RPS6KA2: variants seen among roughly 807,000 people sequenced by gnomAD.
RPS6KA2 encodes the protein ribosomal protein S6 kinase alpha-2.
RPS6KA2 carries 42 observed loss-of-function variants against 91.8 expected under a neutral mutation model. That is an observed-to-expected ratio of 0.46 (90% CI 0.36 to 0.59). The LOEUF (loss-of-function observed/expected upper bound fraction) is 0.59, where lower values mean the gene tolerates loss of function less well. Ranked by LOEUF, RPS6KA2 falls within the 20% of genes least tolerant of loss-of-function variation. The probability of loss-of-function intolerance (pLI) is 0.00; values close to 1 mark genes in which losing one functional copy is unlikely to be tolerated. For synonymous variants in RPS6KA2, 414 were observed against 393.6 expected, an observed-to-expected ratio of 1.05 and a Z score of -0.61; for missense variants, 798 against 978.5, an observed-to-expected ratio of 0.82 and a Z score of 2.46.
intron 10 of RPS6KA2, among the ~76,000 whole-genome samples, chr6:166,474,329 C>T (rs1008211218): frequency 3.9e-5 from 6 of 152,204 alleles, no homozygotes; most frequent in Admixed American, 2.0e-4. Flanking sequence ...AACCTCTGCC[C>T]GTGCGTCAGC....
intron 2 of RPS6KA2, among the ~76,000 whole-genome samples, chr6:166,776,880 G>C (rs954867556): frequency 7.2e-5 from 11 of 152,190 alleles, no homozygotes; most frequent in Admixed American, 1.3e-4. Flanking sequence ...ACAAGTGTGT[G>C]CGTATTTTTG....
At chr6:166,658,723 G>A (rs1021446554) in intron 2 of RPS6KA2, among the ~76,000 whole-genome samples, 1 of 152,126 alleles carries the variant, frequency 6.6e-6, no homozygotes, top group African/African-American at 2.4e-5. Context: ...AGTGGTTTGT[G>A]GTGTTGAAGT....
At chr6:166,589,489 C>T (rs982212311) in intron 1 of RPS6KA2, among the ~76,000 whole-genome samples, 5 of 152,300 alleles carry the variant, frequency 3.3e-5, no homozygotes, top group Admixed American at 6.5e-5. Context: ...CTTCTATGCC[C>T]GACAGGAGGG....
intron 1 of RPS6KA2, among the ~76,000 whole-genome samples, chr6:166,550,736 C>T (rs1034995570): frequency 1.3e-5 from 2 of 152,150 alleles, no homozygotes; most frequent in Non-Finnish European, 1.5e-5. Flanking sequence ...GGCGCGATGG[C>T]TCACGCCTGT....
In RPS6KA2 at chr6:166,666,210, T is replaced by G. The variant is rs1421592710; in HGVS notation, c.124-127426A>C. 1.3e-5 allele frequency among the ~76,000 whole-genome samples: 2 copies of G among 152,072 alleles called. No individual in the cohort carries two copies. Among genetic ancestry groups the G allele is most frequent in the East Asian group, 3.9e-4 (2 of 5,182 alleles). ...CACGGGGTCTGCCCCATCTAGTGAG[T>G]GCTCTGCTGTGCATCAGAGAGAGGG... is the stretch of plus-strand genomic sequence containing the variant. On this transcript the variant is annotated intron_variant, in intron 2 of 21. Transcript: ENST00000503859. The surrounding 1 kb of genome is among the most constrained non-coding windows in gnomAD (Gnocchi z 4.0).
intron 1 of RPS6KA2, chr6:166,586,560 C>T: frequency 1.5e-6 from 2 of 1,377,842 alleles, no homozygotes; most frequent in Middle Eastern, 2.7e-4. Flanking sequence ...GTCTATCCAG[C>T]TCAGGCCGAA....
At chr6:166,818,754 T>C (rs1168505349) in intron 2 of RPS6KA2, among the ~76,000 whole-genome samples, 1 of 152,162 alleles carries the variant, frequency 6.6e-6, no homozygotes, top group African/African-American at 2.4e-5. Context: ...ATGCCATCAT[T>C]ATTCTTCCGA....
chr6:166,717,585 G>A (rs9295362), intron 2 of RPS6KA2, among the ~76,000 whole-genome samples: 13,810 of 152,238 alleles, frequency 0.091, 1,161 homozygotes, highest in African/African-American at 0.22. Flanking sequence ...CAGATCCCGC[G>A]GGTGAAGTTG....
Position 166,639,824 on chromosome 6 carries a change from T to A in RPS6KA2, c.124-101040A>T, listed in dbSNP as rs907408891. On this transcript the variant is annotated intron_variant, in intron 2 of 21. Coordinates refer to the RPS6KA2 transcript ENST00000503859. The surrounding 1 kb of genome is among the most constrained non-coding windows in gnomAD (Gnocchi z 4.2). ...CTCCACCCCACAGGCCCTGTTGGGGTCTCTCCTGGGTTCCTCTAGTTTGCT... is the reference window on the plus strand; with the variant it reads ...CTCCACCCCACAGGCCCTGTTGGGGACTCTCCTGGGTTCCTCTAGTTTGCT... Among the ~76,000 whole-genome samples the A allele has an allele frequency of 6.6e-6, 1 of 151,772 alleles. No individual in the cohort carries two copies. The highest frequency in any genetic ancestry group is 2.4e-5 in the African/African-American group (1 of 41,258).
rs377484930 is a variant in RPS6KA2 at position 166,835,102 on chromosome 6, C to CA, written c.123+23097dup. 2.2e-3 allele frequency among the ~76,000 whole-genome samples: 334 copies of CA among 152,278 alleles called. 4 individuals are homozygous for CA. Among genetic ancestry groups the CA allele is most frequent in the African/African-American group, 7.6e-3 (314 of 41,558 alleles). On this transcript the variant is annotated intron_variant, in intron 2 of 21. Transcript: ENST00000503859. ...CATTGAATTACACCGACATCTGTGT[C>CA]AAAAATCAATTGACCACAGTGTGAC...
chr6:166,839,720 G>A (rs1225240217), intron 2 of RPS6KA2, among the ~76,000 whole-genome samples: 3 of 129,988 alleles, frequency 2.3e-5, no homozygotes, highest in East Asian at 2.4e-4. Flanking sequence ...GAGGAGAGGC[G>A]GCACTGGAGG....
In RPS6KA2 at chr6:166,846,945, G is replaced by A. The variant is rs148354455; in HGVS notation, c.123+11255C>T. 7.2e-5 allele frequency among the ~76,000 whole-genome samples: 11 copies of A among 151,910 alleles called. No homozygotes were observed. The East Asian group carries it at 7.7e-4, about 11-fold the overall frequency. ...GTCACTGTTTGCTGATAATATAATC[G>A]TATACCTAGAAAACCCTAGTAAAGA... On this transcript the variant is annotated intron_variant, in intron 2 of 21. Coordinates refer to the RPS6KA2 transcript ENST00000503859.
Position 166,859,734 on chromosome 6 carries a change from A to G in RPS6KA2, c.64-1475T>C, listed in dbSNP as rs369235241. ...GTTCAGTTCGGTTCTCTCAGACTACAGATGAGAAAACAGGCCAGAAAGGAT... is the reference window on the plus strand; with the variant it reads ...GTTCAGTTCGGTTCTCTCAGACTACGGATGAGAAAACAGGCCAGAAAGGAT... On this transcript the variant is annotated intron_variant, in intron 1 of 21. Transcript: ENST00000503859. 4.6e-5 allele frequency among the ~76,000 whole-genome samples: 7 copies of G among 152,232 alleles called. No individual in the cohort carries two copies. The East Asian group carries it at 9.6e-4, about 21-fold the overall frequency.
intron 1 of RPS6KA2, among the ~76,000 whole-genome samples, chr6:166,544,955 C>T (rs1438317802): frequency 6.6e-6 from 1 of 152,120 alleles, no homozygotes; most frequent in East Asian, 1.9e-4. Flanking sequence ...GTGACATGGG[C>T]GCTTGCTGGA....
intron 14 of RPS6KA2, among the ~76,000 whole-genome samples, chr6:166,442,600 A>T (rs538588212): frequency 6.6e-6 from 1 of 152,084 alleles, no homozygotes; most frequent in Non-Finnish European, 1.5e-5. Context: ...ACCATATTCT[A>T]TCTAACGCCT....
intron 2 of RPS6KA2, among the ~76,000 whole-genome samples, chr6:166,805,741 G>C (rs1448294164): frequency 6.6e-6 from 1 of 151,998 alleles, no homozygotes; most frequent in Non-Finnish European, 1.5e-5. Flanking sequence ...CCAAAAAACA[G>C]GAAAATAAGG....
Position 166,437,859 on chromosome 6 carries a change from T to C in RPS6KA2, c.1333-5369A>G, listed in dbSNP as rs911775645. Among the ~76,000 whole-genome samples, 1 of 152,214 alleles carries C rather than the reference T, an allele frequency of 6.6e-6. No individual in the cohort carries two copies. On this transcript the variant is annotated intron_variant, in intron 14 of 20. Coordinates refer to ENST00000265678, the MANE Select transcript of RPS6KA2 (RefSeq NM_021135.6). This position sits in a 1 kb window ranked among gnomAD's most constrained non-coding sequence, Gnocchi z 4.3. ...AGGCGGCAACAGGAGACTTCACCGC[T>C]CTCGATACACCTTTCTGGTCTTTGC...
At chr6:166,492,840 C>T (rs2235277) in intron 8 of RPS6KA2, among the ~76,000 whole-genome samples, 3 of 150,842 alleles carry the variant, frequency 2.0e-5, no homozygotes, top group Non-Finnish European at 2.9e-5. Flanking sequence ...CTCCACCTCC[C>T]GAGTAGCTGG....
intron 2 of RPS6KA2, among the ~76,000 whole-genome samples, chr6:166,769,198 C>T (rs532311823): frequency 8.5e-5 from 13 of 152,286 alleles, no homozygotes; most frequent in African/African-American, 1.9e-4. Flanking sequence ...AGTATTGGAA[C>T]GCATCATCTT....
Sources: allele counts gnomAD v4.1 joint callset (sites outside exome capture counted in the v4.1 genomes callset), GRCh38; gene constraint gnomAD v4.1.1; non-coding constraint Gnocchi (gnomAD v3.1); transcripts MANE v1.5; gene names NCBI Gene and HGNC (gene_info 2026-07-23, HGNC 2026-07-21).